Variants in ADAMTS17 observed in about 807,000 individuals in gnomAD.
The protein encoded by ADAMTS17 is ADAM metallopeptidase with thrombospondin type 1 motif 17.
ADAMTS17 carries 113 observed loss-of-function variants against 141.5 expected under a neutral mutation model. The ratio of observed to expected loss-of-function variants is 0.80; its 90% CI spans 0.69 to 0.93. The LOEUF (loss-of-function observed/expected upper bound fraction) is 0.93. ADAMTS17 is among the 40% of genes least tolerant of loss of function. The probability of loss-of-function intolerance (pLI) is 0.00; values close to 1 mark genes in which losing one functional copy is unlikely to be tolerated. For synonymous variants in ADAMTS17, 768 were observed against 630.6 expected (o/e 1.22, Z -3.27); for missense variants, 1,659 against 1,517.9 (o/e 1.09, Z -1.54).
Position 99,972,898 on chromosome 15 carries a change from C to T in ADAMTS17, c.*1504G>A, listed in dbSNP as rs1390540670. On this transcript the variant is annotated 3_prime_UTR_variant, in exon 22 of 22. Transcript: ENST00000268070. ...AAAACAAAACACAGAAACACAGCAC[C>T]AATAAATCAAGAAGCACAGGGAGAT... 1 of 152,144 alleles carries T rather than the reference C, an allele frequency of 6.6e-6. No individual in the cohort carries two copies. The highest frequency in any genetic ancestry group is 1.9e-4 in the East Asian group (1 of 5,184). The allele number at this position is 152,144 out of a possible 1,614,324, so 9.4% of individuals were successfully genotyped here.
At chr15:100,262,781 CT>C (rs2043571588) in intron 4 of ADAMTS17, among the ~76,000 whole-genome samples, 1 of 131,504 alleles carries the variant, frequency 7.6e-6, no homozygotes, top group South Asian at 2.4e-4. Flanking sequence ...TCTTCCAGTA[CT>C]AAAAAAAAAA....
At chr15:100,166,086 C>T (rs2039940563) in intron 8 of ADAMTS17, among the ~76,000 whole-genome samples, 1 of 152,152 alleles carries the variant, frequency 6.6e-6, no homozygotes, top group African/African-American at 2.4e-5. Context: ...TTCATTTTGC[C>T]AGGCTTTTTT....
chr15:100,244,847 G>A lies in ADAMTS17; in HGVS notation c.1075+9289C>T, dbSNP rs929425160. 4.6e-5 allele frequency among the ~76,000 whole-genome samples: 7 copies of A among 152,250 alleles called. No homozygotes were observed. In the South Asian group the frequency reaches 1.5e-3, roughly 32 times the overall value. On this transcript the variant is annotated intron_variant, in intron 7 of 21. Coordinates refer to ENST00000268070, the MANE Select transcript of ADAMTS17 (RefSeq NM_139057.4). The stretch of plus-strand genomic sequence containing the variant: ...TGTTTATGAACAGGCAGCACACAGG[G>A]TCTAAGAGCTCCTCAGGACTCACAG...
At chr15:100,150,629 G>A (rs956321704) in intron 10 of ADAMTS17, among the ~76,000 whole-genome samples, 9 of 152,144 alleles carry the variant, frequency 5.9e-5, no homozygotes, top group African/African-American at 2.2e-4. Flanking sequence ...CTCCTAGAAG[G>A]GAAAATAGCT....
intron 15 of ADAMTS17, among the ~76,000 whole-genome samples, chr15:100,057,750 C>T (rs976738351): frequency 6.6e-6 from 1 of 152,162 alleles, no homozygotes; most frequent in Non-Finnish European, 1.5e-5. Context: ...AGCTTTCTTC[C>T]CACAGGGTTT....
intron 3 of ADAMTS17, among the ~76,000 whole-genome samples, chr15:100,288,966 C>T (rs889061503): frequency 6.6e-6 from 1 of 152,062 alleles, no homozygotes; most frequent in African/African-American, 2.4e-5. Flanking sequence ...AGTAAACCAA[C>T]CTCAATGCTA....
chr15:100,054,123 G>A (rs547919587), intron 15 of ADAMTS17, 69 bp from the exon 16 acceptor site: 89 of 1,583,692 alleles, frequency 5.6e-5, no homozygotes, highest in Middle Eastern at 1.7e-4. Flanking sequence ...GTCTTTAAAC[G>A]GAATCTACAG....
At chr15:100,188,387 G>C (rs963333625) in intron 8 of ADAMTS17, among the ~76,000 whole-genome samples, 4 of 149,408 alleles carry the variant, frequency 2.7e-5, no homozygotes, top group African/African-American at 1.0e-4. Flanking sequence ...ACGAAGCCCT[G>C]TCTCTTAAAA....
chr15:100,013,010 T>A (rs2061218483), intron 18 of ADAMTS17, among the ~76,000 whole-genome samples: 1 of 152,226 alleles, frequency 6.6e-6, no homozygotes, highest in Non-Finnish European at 1.5e-5. Context: ...ATTCTACCCA[T>A]ATGTGAGCAT....
chr15:100,323,111 T>C (rs1368062480), intron 3 of ADAMTS17, among the ~76,000 whole-genome samples: 1 of 145,580 alleles, frequency 6.9e-6, no homozygotes, highest in Non-Finnish European at 1.5e-5. Flanking sequence ...AAAAGAATTA[T>C]AAATCATGTT....
intron 6 of ADAMTS17, among the ~76,000 whole-genome samples, chr15:100,255,014 GA>G (rs35659824): frequency 0.71 from 107,493 of 150,658 alleles, 38,348 homozygotes; most frequent in East Asian, 0.87. Context: ...AAAGGTGAAG[GA>G]AAAAAAAAAA....
intron 12 of ADAMTS17, among the ~76,000 whole-genome samples, chr15:100,124,887 A>C (rs2037648695): frequency 2.0e-5 from 3 of 152,218 alleles, no homozygotes; most frequent in African/African-American, 7.2e-5. Flanking sequence ...AGCCCAGAGC[A>C]GAGAAGCAGC....
intron 8 of ADAMTS17, among the ~76,000 whole-genome samples, chr15:100,166,457 G>A (rs1366516448): frequency 1.3e-5 from 2 of 152,166 alleles, no homozygotes; most frequent in African/African-American, 4.8e-5. Context: ...CCTTTGCCCT[G>A]TTCCCATATC....
At chr15:100,038,609 C>T (rs2030972487) in intron 18 of ADAMTS17, among the ~76,000 whole-genome samples, 1 of 151,930 alleles carries the variant, frequency 6.6e-6, no homozygotes, top group African/African-American at 2.4e-5. Flanking sequence ...GGATTTTTTT[C>T]TTAATTTCAC....
chr15:100,123,819 C>T (rs2037576143), intron 12 of ADAMTS17, among the ~76,000 whole-genome samples: 1 of 152,188 alleles, frequency 6.6e-6, no homozygotes, highest in South Asian at 2.1e-4. Flanking sequence ...GAACAGGCGC[C>T]CTGCCCCTGC....
chr15:100,084,709 T>A (rs8042015), intron 15 of ADAMTS17, among the ~76,000 whole-genome samples: 2 of 152,150 alleles, frequency 1.3e-5, no homozygotes, highest in South Asian at 4.1e-4. Context: ...CTGCAGCCAC[T>A]GCTCCTGATA....
chr15:100,085,512 G>A (rs1351582991), intron 15 of ADAMTS17, among the ~76,000 whole-genome samples: 3 of 151,840 alleles, frequency 2.0e-5, no homozygotes, highest in South Asian at 2.1e-4. Flanking sequence ...GATACTCCTC[G>A]AGAAGAGCGA....
At chr15:100,004,252 G>A (rs1455821138) in intron 18 of ADAMTS17, among the ~76,000 whole-genome samples, 1 of 152,244 alleles carries the variant, frequency 6.6e-6, no homozygotes, top group Non-Finnish European at 1.5e-5. Context: ...TATTTTAGCT[G>A]TTTTTCAGCT....
intron 2 of ADAMTS17, chr15:100,339,036 G>T: frequency 1.0e-6 from 1 of 985,516 alleles, no homozygotes. Context: ...CACACGAACG[G>T]GATGAACAAG....
Sources: gnomAD v4.1 joint callset for allele counts (sites outside exome capture counted in the v4.1 genomes callset) on GRCh38, gnomAD v4.1.1 for gene constraint, MANE v1.5 for transcripts, NCBI Gene and HGNC (gene_info 2026-07-23, HGNC 2026-07-21) for gene names.